ADCY9: variants seen among roughly 807,000 people sequenced by gnomAD.
The protein encoded by ADCY9 is adenylate cyclase type 9.
A neutral mutation model predicts 101.5 loss-of-function variants in ADCY9; 50 were observed. The ratio of observed to expected loss-of-function variants is 0.49; its 90% CI spans 0.39 to 0.62. The LOEUF (loss-of-function observed/expected upper bound fraction) is 0.62. ADCY9 is among the 20% of genes least tolerant of loss of function. The pLI, the probability that ADCY9 is intolerant of heterozygous loss-of-function variation, is 0.00. For missense variants in ADCY9, 1,662 were observed against 1,800.4 expected, an observed-to-expected ratio of 0.92 and a Z score of 1.39; for synonymous variants, 905 against 769.3, an observed-to-expected ratio of 1.18 and a Z score of -2.92.
chr16:4,038,855 G>A (rs975538874), intron 2 of ADCY9, among the ~76,000 whole-genome samples: 2 of 151,906 alleles, frequency 1.3e-5, no homozygotes, highest in Non-Finnish European at 2.9e-5. Flanking sequence ...AACCCTGAAT[G>A]TCTCTCGGGC....
intron 6 of ADCY9, among the ~76,000 whole-genome samples, chr16:3,986,077 G>A (rs1306954356): frequency 3.3e-5 from 5 of 152,224 alleles, no homozygotes. Flanking sequence ...GGGTGCGGCC[G>A]TCCCACCATC....
At chr16:4,054,178 A>G (rs1314796877) in intron 2 of ADCY9, 1 of 152,192 alleles carries the variant, frequency 6.6e-6, no homozygotes, top group Non-Finnish European at 1.5e-5. Flanking sequence ...CTGGCTCACA[A>G]TATTTACTGA....
intron 2 of ADCY9, among the ~76,000 whole-genome samples, chr16:4,036,459 T>G (rs1364611869): frequency 1.0e-5 from 1 of 97,152 alleles, no homozygotes; most frequent in Non-Finnish European, 2.2e-5. Flanking sequence ...TTGGGGTTTG[T>G]TTGTTTTTTT....
In ADCY9 at chr16:4,115,532, C is replaced by G; in HGVS notation, c.-43-47G>C. The G allele has an allele frequency of 7.0e-7, 1 of 1,431,160 alleles. No individual in the cohort carries two copies. The highest frequency in any genetic ancestry group is 9.2e-7 in the Non-Finnish European group (1 of 1,087,714). 88.7% of individuals were successfully genotyped at this position (1,431,160 alleles called of 1,614,324 possible). On this transcript the variant is annotated intron_variant, in intron 1 of 10. Transcript: ENST00000294016. The surrounding 1 kb of genome is among the most constrained non-coding windows in gnomAD (Gnocchi z 6.2). Reference sequence around the variant, plus strand: ...TTAGCGGCGCTCCCACCTAGGCATGCACGCCTAGAGGCCCGGGACCTGCTC... The same window carrying G: ...TTAGCGGCGCTCCCACCTAGGCATGGACGCCTAGAGGCCCGGGACCTGCTC...
At chr16:4,000,074 G>A (rs996708457) in intron 3 of ADCY9, among the ~76,000 whole-genome samples, 3 of 152,188 alleles carry the variant, frequency 2.0e-5, no homozygotes, top group Admixed American at 6.5e-5. Context: ...GCAAGATGTC[G>A]TGTTATCAGA....
At chr16:4,036,631 T>G (rs2056592215) in intron 2 of ADCY9, among the ~76,000 whole-genome samples, 1 of 151,904 alleles carries the variant, frequency 6.6e-6, no homozygotes. Context: ...CCGGCTAATT[T>G]TTGTATTTTT....
chr16:3,987,614 C>T lies in ADCY9; in HGVS notation c.2310+1380G>A, dbSNP rs572861922. Reference sequence around the variant, plus strand: ...CAACTTGCAAGTCCACTCCGGGAGCCATGTCTGGGACATTAACGGATATTC... The same window carrying T: ...CAACTTGCAAGTCCACTCCGGGAGCTATGTCTGGGACATTAACGGATATTC... On this transcript the variant is annotated intron_variant, in intron 6 of 10. Coordinates refer to ENST00000294016, the MANE Select transcript of ADCY9 (RefSeq NM_001116.4). 5.3e-5 allele frequency among the ~76,000 whole-genome samples: 8 copies of T among 152,368 alleles called. No individual in the cohort carries two copies. In the East Asian group the frequency reaches 1.5e-3, roughly 29 times the overall value.
At chr16:4,034,177 T>C (rs2056574609) in intron 2 of ADCY9, among the ~76,000 whole-genome samples, 1 of 152,116 alleles carries the variant, frequency 6.6e-6, no homozygotes, top group African/African-American at 2.4e-5. Flanking sequence ...CTTACACAAA[T>C]GGTCTCTTGT....
At chr16:3,998,451 C>T (rs912050053) in intron 3 of ADCY9, among the ~76,000 whole-genome samples, 1 of 151,966 alleles carries the variant, frequency 6.6e-6, no homozygotes, top group African/African-American at 2.4e-5. Flanking sequence ...TGGCTCATGC[C>T]TGTAATCCCA....
At chr16:3,986,502 T>C (rs965751836) in intron 6 of ADCY9, among the ~76,000 whole-genome samples, 3 of 152,102 alleles carry the variant, frequency 2.0e-5, no homozygotes, top group African/African-American at 7.2e-5. Flanking sequence ...CAGGCCGGAG[T>C]GCAATAGTGC....
intron 2 of ADCY9, among the ~76,000 whole-genome samples, chr16:4,105,352 T>C (rs952049695): frequency 5.9e-5 from 9 of 151,946 alleles, no homozygotes; most frequent in Non-Finnish European, 1.0e-4. Context: ...CTGGGAAACA[T>C]AGGGAGACGT....
chr16:4,097,501 C>CACACACTA (rs1555445955), intron 2 of ADCY9, among the ~76,000 whole-genome samples: 1 of 105,514 alleles, frequency 9.5e-6, no homozygotes, highest in East Asian at 2.7e-4. Context: ...CACACACACA[C>CACACACTA]TATATATATG....
intron 3 of ADCY9, among the ~76,000 whole-genome samples, chr16:3,996,092 G>C (rs575405562): frequency 9.2e-5 from 14 of 152,310 alleles, no homozygotes; most frequent in Middle Eastern, 6.8e-3. Flanking sequence ...CTGGTGTGCT[G>C]GCTCACACCT....
At chr16:4,030,852 G>C (rs1164116272) in intron 2 of ADCY9, among the ~76,000 whole-genome samples, 3 of 152,168 alleles carry the variant, frequency 2.0e-5, no homozygotes, top group Non-Finnish European at 4.4e-5. Context: ...GGAGGCTTCT[G>C]GGATATTCTG....
At chr16:3,980,243 G>A (rs546522465) in intron 7 of ADCY9, among the ~76,000 whole-genome samples, 1 of 151,966 alleles carries the variant, frequency 6.6e-6, no homozygotes, top group South Asian at 2.1e-4. Flanking sequence ...GCAGGCGTGT[G>A]TCTAGCGGGC....
intron 2 of ADCY9, among the ~76,000 whole-genome samples, chr16:4,082,672 ACACCCAT>A (rs1272203965): frequency 9.3e-5 from 14 of 150,008 alleles, no homozygotes; most frequent in East Asian, 3.9e-4. Flanking sequence ...ACACCCATGC[ACACCCAT>A]GCATGCATGC....
At chr16:4,032,487 G>A (rs959370765) in intron 2 of ADCY9, among the ~76,000 whole-genome samples, 1 of 150,884 alleles carries the variant, frequency 6.6e-6, no homozygotes, top group South Asian at 2.1e-4. Context: ...TTTATTTTAC[G>A]TGGTCTTCCA....
intron 5 of ADCY9, among the ~76,000 whole-genome samples, chr16:3,990,544 C>T (rs1481457930): frequency 3.3e-5 from 5 of 151,990 alleles, no homozygotes; most frequent in South Asian, 2.1e-4. Context: ...CGGCTCATCA[C>T]GTGTGTTCCT....
At position 4,115,590 on chromosome 16, in the gene ADCY9, G is replaced by A. The variant is rs937700064; in HGVS notation, c.-44+100C>T. 5.3e-6 allele frequency: 5 copies of A among 943,504 alleles called. No homozygotes were observed. The highest frequency in any genetic ancestry group is 2.9e-5 in the Admixed American group (1 of 34,224). 58.4% of individuals were successfully genotyped at this position (943,504 alleles called of 1,614,324 possible). On this transcript the variant is annotated intron_variant, in intron 1 of 10. Coordinates refer to ENST00000294016, the MANE Select transcript of ADCY9 (RefSeq NM_001116.4). The surrounding 1 kb of genome is among the most constrained non-coding windows in gnomAD (Gnocchi z 6.2). ...AAGGGGCGGCTCCAGCACGCGACCT[G>A]GACAGGCACCATCTGTTCCTGTGGT... is the stretch of plus-strand genomic sequence containing the variant.
Sources: allele counts gnomAD v4.1 joint callset (sites outside exome capture counted in the v4.1 genomes callset), GRCh38; gene constraint gnomAD v4.1.1; non-coding constraint Gnocchi (gnomAD v3.1); transcripts MANE v1.5; gene names NCBI Gene and HGNC (gene_info 2026-07-23, HGNC 2026-07-21).